Variants in PPP2R2B observed in about 807,000 individuals in gnomAD.
PPP2R2B encodes serine/threonine-protein phosphatase 2A 55 kDa regulatory subunit B beta isoform.
Under a neutral mutation model 46.0 loss-of-function variants are expected in PPP2R2B, and 5 were observed. That is an observed-to-expected ratio of 0.11 (90% CI 0.06 to 0.23). The LOEUF (loss-of-function observed/expected upper bound fraction) is 0.23. PPP2R2B is among the 10% of genes least tolerant of loss of function. The pLI is 1.00. For synonymous variants in PPP2R2B, 215 were observed against 206.7 expected (o/e 1.04, Z -0.34); for missense variants, 367 against 575.0 (o/e 0.64, Z 3.70).
chr5:146,840,815 T>C (rs1330678964), intron 2 of PPP2R2B, among the ~76,000 whole-genome samples: 1 of 152,222 alleles, frequency 6.6e-6, no homozygotes, highest in East Asian at 1.9e-4. Flanking sequence ...AAACAATCTA[T>C]TCATTGTCTG....
At chr5:146,748,184 A>G (rs907995146) in intron 2 of PPP2R2B, among the ~76,000 whole-genome samples, 8 of 152,156 alleles carry the variant, frequency 5.3e-5, no homozygotes, top group African/African-American at 1.2e-4. Flanking sequence ...GAGGCTGCCC[A>G]TGGTCATTTA....
intron 2 of PPP2R2B, among the ~76,000 whole-genome samples, chr5:146,702,893 G>T (rs946338854): frequency 6.6e-6 from 1 of 152,124 alleles, no homozygotes; most frequent in Non-Finnish European, 1.5e-5. Context: ...AAGCAATATG[G>T]TTACTAAGTT....
chr5:147,081,175 A>G, intron 1 of PPP2R2B: 3 of 1,535,164 alleles, frequency 2.0e-6, no homozygotes, highest in Non-Finnish European at 2.6e-6. Flanking sequence ...GTTAGGTAAG[A>G]GCTCCCAGTT....
chr5:146,680,311 C>G (rs1424223135), intron 5 of PPP2R2B, among the ~76,000 whole-genome samples: 1 of 149,570 alleles, frequency 6.7e-6, no homozygotes, highest in Non-Finnish European at 1.5e-5. Context: ...AACCAAACAC[C>G]GCATATTCTC....
intron 7 of PPP2R2B, among the ~76,000 whole-genome samples, chr5:146,604,530 G>T (rs1463148715): frequency 6.6e-6 from 1 of 152,176 alleles, no homozygotes. Context: ...AGCAGTCTTG[G>T]TGAGAAACCT....
intron 2 of PPP2R2B, among the ~76,000 whole-genome samples, chr5:147,071,424 G>A (rs936554810): frequency 1.3e-5 from 2 of 152,178 alleles, no homozygotes; most frequent in Non-Finnish European, 2.9e-5. Flanking sequence ...CAGGAGTCCA[G>A]CTATTTATAA....
intron 1 of PPP2R2B, among the ~76,000 whole-genome samples, chr5:146,971,940 G>T (rs1752680879): frequency 6.6e-6 from 1 of 152,054 alleles, no homozygotes; most frequent in Non-Finnish European, 1.5e-5. Context: ...TCAAAACTAA[G>T]CAACTAACAT....
At chr5:146,634,492 A>C (rs2151074050) in intron 7 of PPP2R2B, among the ~76,000 whole-genome samples, 1 of 151,982 alleles carries the variant, frequency 6.6e-6, no homozygotes, top group South Asian at 2.1e-4. Flanking sequence ...GTGTCACCAC[A>C]CCTGGCTAAT....
At chr5:146,627,828 C>T (rs952904154) in intron 7 of PPP2R2B, among the ~76,000 whole-genome samples, 1 of 152,208 alleles carries the variant, frequency 6.6e-6, no homozygotes, top group African/African-American at 2.4e-5. Context: ...ACTACACCCA[C>T]CTTTGGAGGA....
At chr5:147,051,713 T>G (rs186191742) in intron 1 of PPP2R2B, among the ~76,000 whole-genome samples, 31 of 151,204 alleles carry the variant, frequency 2.1e-4, no homozygotes, top group South Asian at 6.3e-4. Flanking sequence ...CAGGCAAGGT[T>G]CCTTATACTT....
rs1201054676 is a variant in PPP2R2B at position 146,812,793 on chromosome 5, GTATATATATA to G, written c.70+65199_70+65208del. ...AATGTGTGTGTGTGTGTATATGTGT[GTATATATATA>G]TATATATATATATATATATATATAT... On this transcript the variant is annotated intron_variant, in intron 2 of 9. Coordinates refer to ENST00000394411, the MANE Select transcript of PPP2R2B (RefSeq NM_181675.4). 1.1e-3 allele frequency among the ~76,000 whole-genome samples: 13 copies of G among 12,112 alleles called. 1 individual carries two copies. Among genetic ancestry groups the G allele is most frequent in the South Asian group, 6.4e-3 (1 of 156 alleles). The allele number at this position is 12,112 out of a possible 152,430, so 7.9% of individuals were successfully genotyped here.
chr5:146,871,060 A>G (rs1006437781), intron 2 of PPP2R2B, among the ~76,000 whole-genome samples: 67 of 152,296 alleles, frequency 4.4e-4, no homozygotes, highest in African/African-American at 1.6e-3. Flanking sequence ...TTTCTGCGAG[A>G]TAGTTATGTT....
At chr5:147,029,078 A>G (rs1169089875) in intron 1 of PPP2R2B, among the ~76,000 whole-genome samples, 4 of 151,706 alleles carry the variant, frequency 2.6e-5, no homozygotes, top group African/African-American at 4.8e-5. Context: ...TTGCTAACCT[A>G]TTTTTCTACA....
chr5:146,924,987 A>G (rs1322173487), intron 1 of PPP2R2B, among the ~76,000 whole-genome samples: 1 of 152,112 alleles, frequency 6.6e-6, no homozygotes, highest in Non-Finnish European at 1.5e-5. Flanking sequence ...ATGTATCATG[A>G]TCTTCTTTTG....
chr5:146,765,025 G>A lies in PPP2R2B; in HGVS notation c.71-63883C>T, dbSNP rs369115188. On this transcript the variant is annotated intron_variant, in intron 2 of 9. Transcript: ENST00000394411. ...AAACTCTTGGTAGAAAACACATAGA[G>A]GTTTCAGAAGAATAAGTAGATTTTG... 7.9e-5 allele frequency among the ~76,000 whole-genome samples: 12 copies of A among 152,124 alleles called. No individual in the cohort carries two copies. In the East Asian group the frequency reaches 1.9e-3, roughly 24 times the overall value.
rs1235110241 is a variant in PPP2R2B at position 146,588,321 on chromosome 5, A to G, written c.*1626T>C. 2.6e-5 allele frequency: 4 copies of G among 152,248 alleles called. No individual in the cohort carries two copies. Among genetic ancestry groups the G allele is most frequent in the African/African-American group, 7.2e-5 (3 of 41,470 alleles). 9.4% of individuals were successfully genotyped at this position (152,248 alleles called of 1,614,324 possible). The stretch of plus-strand genomic sequence containing the variant: ...ACAGTTATTTCCTTGCCAAAAAGCT[A>G]TTAGTAAATGGATAGTAGCTTAGAA... On this transcript the variant is annotated 3_prime_UTR_variant, in exon 10 of 10. Transcript: ENST00000394411.
At position 146,784,460 on chromosome 5, in the gene PPP2R2B, G is replaced by A. The variant is rs555354152; in HGVS notation, c.71-83318C>T. The stretch of plus-strand genomic sequence containing the variant: ...AATTGATTCAACACAACATTCCTTG[G>A]GATTATTAGATATTTTTACCCCACT... On this transcript the variant is annotated intron_variant, in intron 2 of 9. Coordinates refer to ENST00000394411, the MANE Select transcript of PPP2R2B (RefSeq NM_181675.4). Among the ~76,000 whole-genome samples the A allele has an allele frequency of 1.1e-3, 160 of 151,932 alleles. 1 individual carries two copies. The highest frequency in any genetic ancestry group is 3.8e-3 in the African/African-American group (157 of 41,456).
intron 1 of PPP2R2B, among the ~76,000 whole-genome samples, chr5:147,018,120 G>T (rs945722531): frequency 6.6e-5 from 10 of 151,470 alleles, no homozygotes; most frequent in Middle Eastern, 3.4e-3. Context: ...TGTCAAAAAT[G>T]CTAAGAGGCT....
chr5:146,950,987 C>T (rs1338384961), intron 1 of PPP2R2B, among the ~76,000 whole-genome samples: 1 of 151,930 alleles, frequency 6.6e-6, no homozygotes, highest in Admixed American at 6.6e-5. Flanking sequence ...TGATGGTATA[C>T]AACCTCAGGT....
Sources: allele counts gnomAD v4.1 joint callset (sites outside exome capture counted in the v4.1 genomes callset), GRCh38; gene constraint gnomAD v4.1.1; transcripts MANE v1.5; gene names NCBI Gene and HGNC (gene_info 2026-07-23, HGNC 2026-07-21).